The following CADPS2 variants were observed in gnomAD, a reference collection of about 807,000 sequenced individuals.
CADPS2 encodes the protein calcium-dependent secretion activator 2.
A neutral mutation model predicts 172.5 loss-of-function variants in CADPS2; 93 were observed. That is an observed-to-expected ratio of 0.54 (90% CI 0.46 to 0.64). The LOEUF (loss-of-function observed/expected upper bound fraction) is 0.64. CADPS2 is among the 30% of genes least tolerant of loss of function. The pLI is 0.00. For synonymous variants in CADPS2, 546 were observed against 555.2 expected (o/e 0.98, Z 0.23); for missense variants, 1,420 against 1,565.9 (o/e 0.91, Z 1.57).
intron 9 of CADPS2, among the ~76,000 whole-genome samples, chr7:122,494,255 A>T (rs1206072179): frequency 1.3e-5 from 2 of 152,170 alleles, no homozygotes; most frequent in Non-Finnish European, 2.9e-5. Flanking sequence ...ACAGTAGCAA[A>T]AGGCTGACTA....
At chr7:122,393,856 G>A (rs2044718262) in intron 20 of CADPS2, among the ~76,000 whole-genome samples, 1 of 152,078 alleles carries the variant, frequency 6.6e-6, no homozygotes, top group South Asian at 2.1e-4. Context: ...TTTCTAAGAG[G>A]TTTAACACAT....
Position 122,373,948 on chromosome 7 carries a change from T to C in CADPS2, c.3387+5420A>G, listed in dbSNP as rs117066703. Among the ~76,000 whole-genome samples the C allele has an allele frequency of 9.2e-3, 1,406 of 152,152 alleles. 11 individuals are homozygous for C. Among genetic ancestry groups the C allele is most frequent in the Non-Finnish European group, 0.014 (945 of 67,974 alleles). The stretch of plus-strand genomic sequence containing the variant: ...CCTGATACCAAAGCCAGACAAAAGA[T>C]ACTGCCAGAAAAGAAAACTATAAGC... On this transcript the variant is annotated intron_variant, in intron 25 of 29. Coordinates refer to ENST00000449022, the MANE Select transcript of CADPS2 (RefSeq NM_017954.11).
chr7:122,851,084 C>T (rs1813447736), intron 1 of CADPS2, among the ~76,000 whole-genome samples: 1 of 152,218 alleles, frequency 6.6e-6, no homozygotes, highest in Admixed American at 6.5e-5. Flanking sequence ...ACTAATATTT[C>T]AATATCATGT....
intron 1 of CADPS2, among the ~76,000 whole-genome samples, chr7:122,762,592 G>A (rs529227688): frequency 5.3e-5 from 8 of 152,250 alleles, no homozygotes; most frequent in African/African-American, 1.7e-4. Context: ...GGATAAGAAA[G>A]AAACATTTTT....
chr7:122,858,053 T>C (rs1017678633), intron 1 of CADPS2, among the ~76,000 whole-genome samples: 3 of 152,170 alleles, frequency 2.0e-5, no homozygotes, highest in African/African-American at 4.8e-5. Flanking sequence ...AGCAGGTTGC[T>C]GCTACTGGCT....
chr7:122,562,516 TCA>T (rs539420718), intron 7 of CADPS2, among the ~76,000 whole-genome samples: 138 of 152,290 alleles, frequency 9.1e-4, no homozygotes, highest in African/African-American at 3.2e-3. Context: ...TGATTTTAGC[TCA>T]CAGAGATCCA....
At chr7:122,858,080 A>G (rs1815809961) in intron 1 of CADPS2, among the ~76,000 whole-genome samples, 1 of 152,116 alleles carries the variant, frequency 6.6e-6, no homozygotes, top group South Asian at 2.1e-4. Flanking sequence ...CCCAGGTTTT[A>G]GTCCCTTATT....
At chr7:122,572,858 C>G (rs1490473635) in intron 7 of CADPS2, among the ~76,000 whole-genome samples, 2 of 152,092 alleles carry the variant, frequency 1.3e-5, no homozygotes, top group Non-Finnish European at 2.9e-5. Context: ...CAGGTATTCC[C>G]TTAGCACCTG....
chr7:122,452,399 T>C (rs2053240137), intron 14 of CADPS2, among the ~76,000 whole-genome samples: 3 of 152,344 alleles, frequency 2.0e-5, no homozygotes, highest in Admixed American at 2.0e-4. Context: ...TTAGTTTATT[T>C]GTTCATTTAG....
intron 1 of CADPS2, among the ~76,000 whole-genome samples, chr7:122,822,027 C>T (rs954312921): frequency 6.6e-6 from 1 of 152,048 alleles, no homozygotes; most frequent in East Asian, 1.9e-4. Context: ...ATTCACCGTT[C>T]TCAACTACTC....
intron 2 of CADPS2, among the ~76,000 whole-genome samples, chr7:122,689,368 C>G (rs1216311646): frequency 1.3e-5 from 2 of 152,204 alleles, no homozygotes; most frequent in East Asian, 3.9e-4. Context: ...GCACCACCTT[C>G]CTGATCTGAT....
At position 122,649,898 on chromosome 7, in the gene CADPS2, A is replaced by ATTTTTTTTTTTTTTT. The variant is rs71531909; in HGVS notation, c.786+13324_786+13338dup. ...TGACATTTTTCTTAAGTATTCAATG[A>ATTTTTTTTTTTTTTT]TTTTTTTTTTTTTTTTTTTTTTTTT... is the stretch of plus-strand genomic sequence containing the variant. On this transcript the variant is annotated intron_variant, in intron 3 of 29. Transcript: ENST00000449022. Among the ~76,000 whole-genome samples the ATTTTTTTTTTTTTTT allele has an allele frequency of 9.6e-3, 501 of 52,026 alleles. 132 individuals are homozygous for ATTTTTTTTTTTTTTT. The highest frequency in any genetic ancestry group is 0.02 in the East Asian group (25 of 1,272). The allele number at this position is 52,026 out of a possible 152,430, so 34.1% of individuals were successfully genotyped here.
intron 2 of CADPS2, among the ~76,000 whole-genome samples, chr7:122,700,070 G>C (rs1402242235): frequency 1.3e-5 from 2 of 152,102 alleles, no homozygotes; most frequent in Non-Finnish European, 2.9e-5. Context: ...AAAGCTAAAG[G>C]ATGGCATGTG....
intron 1 of CADPS2, among the ~76,000 whole-genome samples, chr7:122,867,010 CT>C (rs1052639976): frequency 3.3e-5 from 5 of 152,096 alleles, no homozygotes; most frequent in Non-Finnish European, 5.9e-5. Flanking sequence ...CACCACAGGA[CT>C]TTTTATTCTT....
chr7:122,649,559 G>A (rs2078917677), intron 3 of CADPS2, among the ~76,000 whole-genome samples: 1 of 152,152 alleles, frequency 6.6e-6, no homozygotes, highest in African/African-American at 2.4e-5. Flanking sequence ...TCTGAGGTGA[G>A]GCCCAAGTAT....
At chr7:122,651,068 AT>A (rs2079102003) in intron 3 of CADPS2, among the ~76,000 whole-genome samples, 1 of 152,076 alleles carries the variant, frequency 6.6e-6, no homozygotes, top group African/African-American at 2.4e-5. Flanking sequence ...AATTATATAT[AT>A]ATGAGAAAAA....
intron 27 of CADPS2, among the ~76,000 whole-genome samples, chr7:122,350,279 G>A (rs992921773): frequency 6.6e-6 from 1 of 152,170 alleles, no homozygotes; most frequent in South Asian, 2.1e-4. Context: ...CTCAATTCTG[G>A]CATTTAAGAT....
rs1052387757 is a variant in CADPS2 at position 122,670,642 on chromosome 7, C to A, written c.454-7073G>T. Among the ~76,000 whole-genome samples the A allele has an allele frequency of 2.0e-5, 3 of 152,086 alleles. No homozygotes were observed. In the East Asian group the frequency reaches 5.8e-4, roughly 30 times the overall value. ...CCTCTGGAGTATCTGGGAGTACAGG[C>A]ACAAGCCACCACGCCTGGCTAATTT... is the stretch of plus-strand genomic sequence containing the variant. On this transcript the variant is annotated intron_variant, in intron 2 of 29. Coordinates refer to ENST00000449022, the MANE Select transcript of CADPS2 (RefSeq NM_017954.11).
intron 1 of CADPS2, among the ~76,000 whole-genome samples, chr7:122,853,526 C>T (rs1449621931): frequency 1.3e-5 from 2 of 152,122 alleles, no homozygotes; most frequent in African/African-American, 4.8e-5. Flanking sequence ...TATAACAGAT[C>T]CCTATTTGTT....
Sources: gnomAD v4.1 joint callset for allele counts (sites outside exome capture counted in the v4.1 genomes callset) on GRCh38, gnomAD v4.1.1 for gene constraint, MANE v1.5 for transcripts, NCBI Gene and HGNC (gene_info 2026-07-23, HGNC 2026-07-21) for gene names.